DLGAP2: variants seen among roughly 807,000 people sequenced by gnomAD.
DLGAP2 encodes disks large-associated protein 2.
A neutral mutation model predicts 100.3 loss-of-function variants in DLGAP2; 26 were observed. That is an observed-to-expected ratio of 0.26 (90% CI 0.19 to 0.36). DLGAP2 has a LOEUF of 0.36. Among genes scored for constraint, DLGAP2 ranks in the 10% least tolerant of loss-of-function variants. The probability of loss-of-function intolerance (pLI) is 1.00; values close to 1 mark genes in which losing one functional copy is unlikely to be tolerated. For synonymous variants in DLGAP2, 886 were observed against 630.1 expected, an observed-to-expected ratio of 1.41 and a Z score of -6.08; for missense variants, 1,858 against 1,453.2, an observed-to-expected ratio of 1.28 and a Z score of -4.53.
rs900518839 is a variant in DLGAP2 at position 1,461,153 on chromosome 8, G to A, written c.107-40213G>A. ...CGTGGCCAGGAGGAGGGAGAAGGGCGGCATTTGGGTTGGGAGAAGGTGCTG... is the reference window on the plus strand; with the variant it reads ...CGTGGCCAGGAGGAGGGAGAAGGGCAGCATTTGGGTTGGGAGAAGGTGCTG... On this transcript the variant is annotated intron_variant, in intron 3 of 14. Coordinates refer to ENST00000637795, the MANE Select transcript of DLGAP2 (RefSeq NM_001346810.2). 4.6e-5 allele frequency among the ~76,000 whole-genome samples: 7 copies of A among 150,866 alleles called. 1 individual carries two copies. In the South Asian group the frequency reaches 1.1e-3, roughly 23 times the overall value.
rs376158978 is a variant in DLGAP2 at position 1,549,493 on chromosome 8, A to G, written c.1040A>G (p.Asn347Ser). The G allele has an allele frequency of 5.8e-5, 93 of 1,613,488 alleles. No homozygotes were observed. In the Middle Eastern group the frequency reaches 8.2e-4, roughly 14 times the overall value. ...TCCCTCAAGACCTCCAAGAGCAACA[A>G]CGACGTCAAGTGCTCGGCCTGTGAG... Reference protein sequence around the residue: ...DLSLKTSKSNNDVKCSACEGL... With the variant: ...DLSLKTSKSNSDVKCSACEGL... The change falls in exon 5 of 15, where the codon AAC (asparagine) becomes AGC (serine). Residue 347 changes from asparagine to serine, a missense_variant. Coordinates refer to ENST00000637795, the MANE Select transcript of DLGAP2 (RefSeq NM_001346810.2).
intron 4 of DLGAP2, among the ~76,000 whole-genome samples, chr8:1,509,052 G>T (rs1221117025): frequency 6.6e-6 from 1 of 152,146 alleles, no homozygotes; most frequent in Non-Finnish European, 1.5e-5. Flanking sequence ...TATAGACTAG[G>T]CCGGGCACGG....
Position 1,668,455 on chromosome 8 carries a change from G to A in DLGAP2, c.1937G>A (p.Arg646His), listed in dbSNP as rs200214556. The change falls in exon 9 of 15, where the codon CGC becomes CAC. Residue 646 changes from arginine to histidine, a missense_variant. Coordinates refer to ENST00000637795, the MANE Select transcript of DLGAP2 (RefSeq NM_001346810.2). ...ESTQDAYQDSRAQRMSPWPQD... is the reference protein window; with the variant it reads ...ESTQDAYQDSHAQRMSPWPQD... The stretch of plus-strand genomic sequence containing the variant: ...ACCCAGGACGCCTACCAGGACAGCC[G>A]CGCACAGAGGATGTCCCCGTGGCCC... 2.8e-4 allele frequency: 444 copies of A among 1,595,930 alleles called. 2 individuals are homozygous for A. The African/African-American group carries it at 3.6e-3, about 13-fold the overall frequency.
chr8:902,020 C>G (rs1170522739), intron 1 of DLGAP2, among the ~76,000 whole-genome samples: 1 of 152,152 alleles, frequency 6.6e-6, no homozygotes, highest in Admixed American at 6.5e-5. Flanking sequence ...TCAGGGGAAC[C>G]CAGGGGGGTT....
intron 4 of DLGAP2, among the ~76,000 whole-genome samples, chr8:1,540,969 A>G (rs7002450): frequency 0.48 from 73,246 of 152,104 alleles, 17,934 homozygotes; most frequent in South Asian, 0.67. Flanking sequence ...TCGTTTCCAC[A>G]GAATTCGGCC....
intron 3 of DLGAP2, among the ~76,000 whole-genome samples, chr8:1,331,473 T>C (rs1347977274): frequency 1.3e-5 from 2 of 152,150 alleles, no homozygotes; most frequent in Non-Finnish European, 2.9e-5. Context: ...AACAACAGAC[T>C]CCTCCTGCCC....
chr8:1,368,393 G>T (rs1460951704), intron 3 of DLGAP2, among the ~76,000 whole-genome samples: 1 of 151,998 alleles, frequency 6.6e-6, no homozygotes, highest in Admixed American at 6.6e-5. Context: ...GCATGTGTGT[G>T]GGTATGTGTG....
At chr8:894,427 A>G (rs1257277151) in intron 1 of DLGAP2, among the ~76,000 whole-genome samples, 1 of 151,994 alleles carries the variant, frequency 6.6e-6, no homozygotes, top group African/African-American at 2.4e-5. Context: ...CATGTACACA[A>G]TGGAATACTA....
At chr8:1,210,241 G>T (rs1220867225) in intron 2 of DLGAP2, among the ~76,000 whole-genome samples, 2 of 152,164 alleles carry the variant, frequency 1.3e-5, no homozygotes, top group African/African-American at 4.8e-5. Flanking sequence ...GACCTTCCTG[G>T]AGAGGCTGGC....
chr8:919,023 C>T (rs1263818014), intron 2 of DLGAP2, among the ~76,000 whole-genome samples: 2 of 152,138 alleles, frequency 1.3e-5, no homozygotes. Context: ...TCACTGCAGC[C>T]TCAAGTTCCT....
intron 12 of DLGAP2, among the ~76,000 whole-genome samples, chr8:1,683,956 A>ATATATGTGTATATATATATGTGTG (rs1799041028): frequency 4.6e-4 from 2 of 4,336 alleles, no homozygotes; most frequent in African/African-American, 6.8e-4. Flanking sequence ...ATATGTGTGT[A>ATATATGTGTATATATATATGTGTG]TATATATATA....
chr8:1,344,209 G>A (rs12542678), intron 3 of DLGAP2, among the ~76,000 whole-genome samples: 25,890 of 148,318 alleles, frequency 0.17, 3,439 homozygotes, highest in East Asian at 0.28. Context: ...GGGCCCTGTC[G>A]TGGGGCCTGT....
At position 1,197,771 on chromosome 8, in the gene DLGAP2, C is replaced by G. The variant is rs56771221; in HGVS notation, c.74-61080C>G. Among the ~76,000 whole-genome samples, 1,158 of 152,322 alleles carry G rather than the reference C, an allele frequency of 7.6e-3. 15 individuals are homozygous for G. Among genetic ancestry groups the G allele is most frequent in the African/African-American group, 0.026 (1,098 of 41,556 alleles). ...ACGCCAATGTTGAGGGTCTGGGCCA[C>G]CAGATGTCCACATGAACCGCACTAC... On this transcript the variant is annotated intron_variant, in intron 2 of 14. Transcript: ENST00000637795.
intron 3 of DLGAP2, among the ~76,000 whole-genome samples, chr8:1,272,990 A>G (rs1247693188): frequency 6.6e-6 from 1 of 152,170 alleles, no homozygotes; most frequent in Non-Finnish European, 1.5e-5. Flanking sequence ...GTGTGCTGAC[A>G]TTCCAAAGCC....
At chr8:1,261,704 C>T (rs1230091418) in intron 3 of DLGAP2, among the ~76,000 whole-genome samples, 1 of 152,154 alleles carries the variant, frequency 6.6e-6, no homozygotes, top group Non-Finnish European at 1.5e-5. Flanking sequence ...GGGTTTGTGG[C>T]GAGGTCTCAG....
At chr8:1,416,000 A>T (rs1432244238) in intron 3 of DLGAP2, among the ~76,000 whole-genome samples, 1 of 152,196 alleles carries the variant, frequency 6.6e-6, no homozygotes, top group African/African-American at 2.4e-5. Context: ...GTGATGGGTG[A>T]CAAAACTGAC....
At chr8:1,135,186 C>A (rs781187391) in intron 2 of DLGAP2, among the ~76,000 whole-genome samples, 1 of 152,172 alleles carries the variant, frequency 6.6e-6, no homozygotes, top group Admixed American at 6.5e-5. Flanking sequence ...TAGGCACTTA[C>A]CCTATATAAC....
At position 1,266,612 on chromosome 8, in the gene DLGAP2, A is replaced by G. The variant is rs140968159; in HGVS notation, c.106+7729A>G. Among the ~76,000 whole-genome samples the G allele has an allele frequency of 2.2e-3, 328 of 152,278 alleles. 1 individual carries two copies. Among genetic ancestry groups the G allele is most frequent in the African/African-American group, 7.5e-3 (310 of 41,556 alleles). On this transcript the variant is annotated intron_variant, in intron 3 of 14. Coordinates refer to ENST00000637795, the MANE Select transcript of DLGAP2 (RefSeq NM_001346810.2). The stretch of plus-strand genomic sequence containing the variant: ...GGTCTGTCCAATGCTGTTTAACCAC[A>G]TATGAAATATGCACCCTCTGTTCTC...
Position 1,310,168 on chromosome 8 carries a change from A to G in DLGAP2, c.106+51285A>G, listed in dbSNP as rs79102842. 2.1e-4 allele frequency among the ~76,000 whole-genome samples: 32 copies of G among 152,318 alleles called. 1 individual carries two copies. The East Asian group carries it at 6.2e-3, about 29-fold the overall frequency. ...TAATATTATAAATTTATCTTCAAAG[A>G]AAGTATTTTAAAATATATACGCAAC... On this transcript the variant is annotated intron_variant, in intron 3 of 14. Transcript: ENST00000637795.
Sources: allele counts gnomAD v4.1 joint callset (sites outside exome capture counted in the v4.1 genomes callset), GRCh38; gene constraint gnomAD v4.1.1; transcripts MANE v1.5; gene names NCBI Gene and HGNC (gene_info 2026-07-23, HGNC 2026-07-21).